The following MDGA2 variants were observed in gnomAD, a reference collection of about 807,000 sequenced individuals.
MDGA2 encodes MAM domain-containing glycosylphosphatidylinositol anchor protein 2.
A neutral mutation model predicts 117.8 loss-of-function variants in MDGA2; 40 were observed. That is an observed-to-expected ratio of 0.34 (90% CI 0.26 to 0.44). The LOEUF is 0.44. MDGA2 is among the 20% of genes least tolerant of loss of function. The probability of loss-of-function intolerance (pLI) is 1.00; values close to 1 mark genes in which losing one functional copy is unlikely to be tolerated. For missense variants in MDGA2, 1,123 were observed against 1,250.6 expected, an observed-to-expected ratio of 0.90 and a Z score of 1.54; for synonymous variants, 452 against 439.0, an observed-to-expected ratio of 1.03 and a Z score of -0.37.
At chr14:47,258,615 TGAG>T (rs747967119) in intron 2 of MDGA2, among the ~76,000 whole-genome samples, 161 of 152,192 alleles carry the variant, frequency 1.1e-3, no homozygotes, top group Middle Eastern at 3.4e-3. Context: ...TTTTTGAGAC[TGAG>T]AATCTTATCA....
intron 1 of MDGA2, among the ~76,000 whole-genome samples, chr14:47,357,476 G>T (rs886231974): frequency 2.2e-4 from 34 of 152,332 alleles, no homozygotes; most frequent in Middle Eastern, 6.8e-3. Context: ...ACAGGGAGGG[G>T]TATATGCAGT....
chr14:46,888,160 G>C (rs992529382), intron 10 of MDGA2, among the ~76,000 whole-genome samples: 1 of 151,958 alleles, frequency 6.6e-6, no homozygotes. Flanking sequence ...GTATACTTCA[G>C]CAGTTGGCAG....
At chr14:47,422,400 TC>T (rs1390909827) in intron 1 of MDGA2, among the ~76,000 whole-genome samples, 1 of 152,090 alleles carries the variant, frequency 6.6e-6, no homozygotes, top group African/African-American at 2.4e-5. Flanking sequence ...CCCTCCTGCC[TC>T]CTCCAGCTTC....
At chr14:47,453,766 G>C (rs553262831) in intron 1 of MDGA2, among the ~76,000 whole-genome samples, 1 of 152,256 alleles carries the variant, frequency 6.6e-6, no homozygotes, top group African/African-American at 2.4e-5. Flanking sequence ...TCTTTGTTAA[G>C]CTCTGAATAA....
chr14:47,419,261 TC>T (rs1892531225), intron 1 of MDGA2, among the ~76,000 whole-genome samples: 1 of 152,020 alleles, frequency 6.6e-6, no homozygotes, highest in South Asian at 2.1e-4. Context: ...AATCAGACTG[TC>T]CTCATTTTAT....
chr14:47,347,322 C>T (rs1890782482), intron 1 of MDGA2, among the ~76,000 whole-genome samples: 2 of 151,970 alleles, frequency 1.3e-5, no homozygotes, highest in Non-Finnish European at 2.9e-5. Context: ...GCAATAATGC[C>T]CGTATTTGAG....
intron 1 of MDGA2, among the ~76,000 whole-genome samples, chr14:47,619,091 T>C (rs1486075470): frequency 1.4e-5 from 2 of 147,068 alleles, no homozygotes; most frequent in Admixed American, 1.4e-4. Context: ...ATTGATATAA[T>C]AGCATCTCTG....
In MDGA2 at chr14:47,096,827, G is replaced by A. The variant is rs148257253; in HGVS notation, c.1195+27C>T. On this transcript the variant is annotated intron_variant, in intron 6 of 16. Coordinates refer to ENST00000399232, the MANE Select transcript of MDGA2 (RefSeq NM_001113498.3). ...TTGAGAGCCTAACCTAGGAATCTAC[G>A]TTGTAACATTCTTTCAGCAAACTTA... The A allele has an allele frequency of 5.3e-5, 86 of 1,608,112 alleles. No individual in the cohort carries two copies. In the East Asian group the frequency reaches 6.9e-4, roughly 13 times the overall value.
intron 1 of MDGA2, among the ~76,000 whole-genome samples, chr14:47,469,639 C>T (rs570305968): frequency 6.6e-6 from 1 of 152,128 alleles, no homozygotes; most frequent in African/African-American, 2.4e-5. Context: ...TTTATAGCAG[C>T]ATGATTTATA....
chr14:47,490,864 G>C (rs916066253), intron 1 of MDGA2, among the ~76,000 whole-genome samples: 2 of 152,040 alleles, frequency 1.3e-5, no homozygotes, highest in African/African-American at 2.4e-5. Context: ...CTTCTTACGG[G>C]AATCAGTTGG....
At chr14:46,954,157 G>A (rs1885473290) in intron 9 of MDGA2, among the ~76,000 whole-genome samples, 1 of 152,000 alleles carries the variant, frequency 6.6e-6, no homozygotes, top group African/African-American at 2.4e-5. Flanking sequence ...GCTTCTTGCA[G>A]TTGTAAGCTT....
chr14:47,389,591 C>T (rs1175455261), intron 1 of MDGA2, among the ~76,000 whole-genome samples: 1 of 59,340 alleles, frequency 1.7e-5, no homozygotes, highest in Non-Finnish European at 3.8e-5. Context: ...TGCAGGAAAA[C>T]ACACACACAC....
At position 46,977,536 on chromosome 14, in the gene MDGA2, A is replaced by G. The variant is rs998639564; in HGVS notation, c.1820-19893T>C. ...GAAATGGTCATTTGATAATAGCCACAATTAGGCAAATATTGGCCTCCCAGA... is the reference window on the plus strand; with the variant it reads ...GAAATGGTCATTTGATAATAGCCACGATTAGGCAAATATTGGCCTCCCAGA... On this transcript the variant is annotated intron_variant, in intron 8 of 16. Transcript: ENST00000399232. Among the ~76,000 whole-genome samples the G allele has an allele frequency of 7.2e-5, 11 of 151,904 alleles. 1 individual carries two copies. The South Asian group carries it at 2.3e-3, about 31-fold the overall frequency.
chr14:47,558,486 C>T (rs1895730728), intron 1 of MDGA2, among the ~76,000 whole-genome samples: 1 of 152,122 alleles, frequency 6.6e-6, no homozygotes, highest in Non-Finnish European at 1.5e-5. Context: ...GAACAACAGT[C>T]AAGTTTCCAA....
chr14:47,668,770 C>A (rs933101528), intron 1 of MDGA2, among the ~76,000 whole-genome samples: 1 of 152,186 alleles, frequency 6.6e-6, no homozygotes, highest in Non-Finnish European at 1.5e-5. Context: ...CAAAAGGGAG[C>A]CTAAGGAAGA....
At chr14:47,292,935 T>C (rs1218596165) in intron 2 of MDGA2, among the ~76,000 whole-genome samples, 1 of 152,228 alleles carries the variant, frequency 6.6e-6, no homozygotes, top group Non-Finnish European at 1.5e-5. Flanking sequence ...TCTGACCTTG[T>C]TGCTCTTCAC....
chr14:47,406,832 C>T (rs1892270604), intron 1 of MDGA2, among the ~76,000 whole-genome samples: 1 of 151,952 alleles, frequency 6.6e-6, no homozygotes, highest in Non-Finnish European at 1.5e-5. Context: ...TTAGAAAGAA[C>T]ACAAAAATCA....
intron 2 of MDGA2, among the ~76,000 whole-genome samples, chr14:47,236,255 T>TAC (rs1206008039): frequency 1.6e-5 from 2 of 123,906 alleles, no homozygotes; most frequent in African/African-American, 6.5e-5. Context: ...TGGGCCACTG[T>TAC]ACACCAGCCT....
chr14:47,147,191 TGTAA>T (rs1319001811), intron 3 of MDGA2, among the ~76,000 whole-genome samples: 1 of 150,686 alleles, frequency 6.6e-6, no homozygotes, highest in African/African-American at 2.4e-5. Flanking sequence ...TAATATATAA[TGTAA>T]GTAATTTATA....
Sources: gnomAD v4.1 joint callset for allele counts (sites outside exome capture counted in the v4.1 genomes callset) on GRCh38, gnomAD v4.1.1 for gene constraint, MANE v1.5 for transcripts, NCBI Gene and HGNC (gene_info 2026-07-23, HGNC 2026-07-21) for gene names.